Variants in IL6ST observed in about 807,000 individuals in gnomAD.
The protein encoded by IL6ST is interleukin-6 receptor subunit beta.
IL6ST carries 24 observed loss-of-function variants against 91.3 expected under a neutral mutation model. That is an observed-to-expected ratio of 0.26 (90% confidence interval 0.19 to 0.37). The LOEUF is 0.37. Ranked by LOEUF, IL6ST falls within the 10% of genes least tolerant of loss-of-function variation. IL6ST has a pLI of 1.00. For synonymous variants in IL6ST, 351 were observed against 373.6 expected (o/e 0.94, Z 0.70); for missense variants, 914 against 1,078.5 (o/e 0.85, Z 2.14).
At chr5:55,947,893 A>G (rs1751373776) in intron 14 of IL6ST, among the ~76,000 whole-genome samples, 1 of 152,224 alleles carries the variant, frequency 6.6e-6, no homozygotes, top group African/African-American at 2.4e-5. Context: ...GCTTTCAAAC[A>G]TAACCATTTG....
intron 1 of IL6ST, among the ~76,000 whole-genome samples, chr5:55,992,050 A>T (rs1381003278): frequency 6.6e-6 from 1 of 152,142 alleles, no homozygotes; most frequent in Non-Finnish European, 1.5e-5. Context: ...TACATATATT[A>T]TTCCAATGTC....
chr5:55,991,557 G>C (rs532734397), intron 1 of IL6ST, among the ~76,000 whole-genome samples: 33 of 146,306 alleles, frequency 2.3e-4, no homozygotes, highest in Non-Finnish European at 4.8e-4. Flanking sequence ...TCCCCACCAA[G>C]CATTCTGAAC....
intron 13 of IL6ST, 46 bp downstream of exon 13, chr5:55,951,883 T>A: frequency 8.2e-7 from 1 of 1,213,850 alleles, no homozygotes; most frequent in Non-Finnish European, 1.2e-6. Context: ...CTTAAAAGCT[T>A]AAGGAAAAAA....
chr5:55,969,043 A>C (rs1752800347), intron 4 of IL6ST, among the ~76,000 whole-genome samples: 1 of 152,116 alleles, frequency 6.6e-6, no homozygotes, highest in African/African-American at 2.4e-5. Context: ...AAAATATGAA[A>C]AATTAGCCGG....
chr5:55,975,944 TAA>T (rs1156751500), intron 3 of IL6ST, among the ~76,000 whole-genome samples: 1 of 151,496 alleles, frequency 6.6e-6, no homozygotes, highest in Non-Finnish European at 1.5e-5. Context: ...TTCCCCATTT[TAA>T]AGTTATTGTT....
rs1288343897 is a variant in IL6ST at position 55,941,448 on chromosome 5, T to C, written c.2391A>G (p.Gln797=). 3 of 1,613,996 alleles carry C rather than the reference T, an allele frequency of 1.9e-6. No homozygotes were observed. Among genetic ancestry groups the C allele is most frequent in the Admixed American group, 3.3e-5 (2 of 60,000 alleles). ...CACCGCCATCTACATGATCTACTAA[T>C]TGTAGATCTTCTGGCCGCTCCTCTG... ...LDSEERPEDL[Q]LVDHVDGGDG... The change falls in exon 17 of 17, where the codon CAA becomes CAG. Residue 797 remains glutamine, a synonymous_variant. Transcript: ENST00000381298.
intron 2 of IL6ST, among the ~76,000 whole-genome samples, chr5:55,978,664 G>A (rs1753463204): frequency 6.6e-6 from 1 of 152,226 alleles, no homozygotes; most frequent in African/African-American, 2.4e-5. Context: ...GGCGGAGGCT[G>A]CAGTGAGCCG....
intron 14 of IL6ST, among the ~76,000 whole-genome samples, chr5:55,948,299 G>A: frequency 6.6e-6 from 1 of 152,064 alleles, no homozygotes; most frequent in Non-Finnish European, 1.5e-5. Flanking sequence ...AATTAACATT[G>A]GAGATTTTTT....
intron 3 of IL6ST, among the ~76,000 whole-genome samples, 179 bp from the exon 4 acceptor site, chr5:55,970,034 T>C (rs1246407076): frequency 6.6e-6 from 1 of 152,200 alleles, no homozygotes; most frequent in African/African-American, 2.4e-5. Context: ...CCTGAATTTG[T>C]AAAGAAATAT....
chr5:55,988,447 A>G (rs575608867), intron 1 of IL6ST, among the ~76,000 whole-genome samples: 1 of 152,196 alleles, frequency 6.6e-6, no homozygotes, highest in Admixed American at 6.5e-5. Flanking sequence ...AGAGTTTAAC[A>G]TAACAGTCAA....
At chr5:55,968,184 G>A (rs1318676112) in intron 5 of IL6ST, 92 bp downstream of exon 5, 1 of 1,074,986 alleles carries the variant, frequency 9.3e-7, no homozygotes, top group Admixed American at 2.5e-5. Flanking sequence ...TTTTAAAATA[G>A]CATTTAATAT....
rs754547662 is a variant in IL6ST at position 55,960,429 on chromosome 5, C to A, written c.946G>T (p.Glu316Ter). 6.2e-7 allele frequency: 1 copy of A among 1,613,834 alleles called. No individual in the cohort carries two copies. The highest frequency in any genetic ancestry group is 2.2e-5 in the East Asian group (1 of 44,860). ...GKGYWSDWSEEASGITYEDRP... is the reference protein window; with the variant it reads ...GKGYWSDWSE Reference sequence around the variant, plus strand: ...TCTTCATAGGTGATCCCACTTGCTTCTTCACTCCAGTCACTCCAGTATCCC... The same window carrying A: ...TCTTCATAGGTGATCCCACTTGCTTATTCACTCCAGTCACTCCAGTATCCC... Residue 316 changes from glutamate to a stop codon, truncating the protein, a stop_gained, in exon 8 of 17, where the codon GAA becomes TAA. Transcript: ENST00000381298. LOFTEE classifies it high-confidence loss of function.
Position 55,941,632 on chromosome 5 carries a change from G to C in IL6ST, c.2207C>G (p.Ser736Cys), listed in dbSNP as rs1350316870. Residue 736 changes from serine (S) to cysteine (C), a missense_variant, in exon 17 of 17, where the codon TCT (serine) becomes TGT (cysteine). Physicochemically the swap from Ser to Cys is moderately radical, Grantham distance 112 (BLOSUM62 -1). Transcript: ENST00000381298. The part of the protein sequence containing the change: ...SGIGGSSCMS[S>C]SRPSISSSDE... Reference sequence around the variant, plus strand: ...ACTGCTAGAAATGCTTGGCCTAGAAGATGACATGCATGAAGACCCCCCAAT... The same window carrying C: ...ACTGCTAGAAATGCTTGGCCTAGAACATGACATGCATGAAGACCCCCCAAT... 1 of 1,614,132 alleles carries C rather than the reference G, an allele frequency of 6.2e-7. No homozygotes were observed. The highest frequency in any genetic ancestry group is 1.1e-5 in the South Asian group (1 of 91,080).
rs1750562652 is a variant in IL6ST at position 55,936,844 on chromosome 5, G to A, written c.*4238C>T. 1 of 194,968 alleles carries A rather than the reference G, an allele frequency of 5.1e-6. No individual in the cohort carries two copies. The highest frequency in any genetic ancestry group is 2.3e-5 in the African/African-American group (1 of 43,166). The allele number at this position is 194,968 out of a possible 1,614,324, so 12.1% of individuals were successfully genotyped here. A position where few individuals can be genotyped will look rare whatever the true frequency, so the allele number is the denominator to read the frequency against. On this transcript the variant is annotated 3_prime_UTR_variant, in exon 17 of 17. Transcript: ENST00000381298. ...CTTCCAAATGAAGTTAGAGTAGATG[G>A]GGTAAAACAGCAAGTGAACATGAAA...
rs1200079910 is a variant in IL6ST, at chr5:55,964,221, C to T, written c.583G>A (p.Glu195Lys). The T allele has an allele frequency of 3.1e-6, 5 of 1,610,850 alleles. No individual in the cohort carries two copies. Among genetic ancestry groups the T allele is most frequent in the Non-Finnish European group, 3.4e-6 (4 of 1,177,784 alleles). Reference protein sequence around the residue: ...DYSTVYFVNIEVWVEAENALG... With the variant: ...DYSTVYFVNIKVWVEAENALG... ...GCATTCTCTGCTTCTACCCAGACTT[C>T]AATGTTGACAAAATACACAGTAGAA... Residue 195 changes from glutamate (E) to lysine (K), a missense_variant, in exon 6 of 17, where the codon GAA (glutamate) becomes AAA (lysine). Physicochemically the swap from Glu to Lys is moderately conservative, Grantham distance 56 (BLOSUM62 1). Coordinates refer to ENST00000381298, the MANE Select transcript of IL6ST (RefSeq NM_002184.4).
chr5:55,955,856 AAAAG>A (rs1324789586), intron 10 of IL6ST, 165 bp downstream of exon 10: 2 of 414,186 alleles, frequency 4.8e-6, no homozygotes, highest in Non-Finnish European at 8.4e-6. Context: ...GTCTCTGAAA[AAAAG>A]AAAATCATTA....
chr5:55,944,653 G>C, intron 15 of IL6ST: 1 of 988,994 alleles, frequency 1.0e-6, no homozygotes, highest in Non-Finnish European at 1.5e-6. Context: ...AAACCTCGGC[G>C]CCATGAGAGC....
At chr5:55,968,619 A>G (rs1440116124) in intron 4 of IL6ST, among the ~76,000 whole-genome samples, 1 of 152,232 alleles carries the variant, frequency 6.6e-6, no homozygotes, top group Non-Finnish European at 1.5e-5. Flanking sequence ...ACTGTCATCA[A>G]CTGGTTTGTT....
chr5:55,994,015 C>T (rs1306924397), intron 1 of IL6ST: 1 of 93,996 alleles, frequency 1.1e-5, no homozygotes, highest in Non-Finnish European at 2.0e-5. Context: ...AAATACTTCA[C>T]AAACTAAGCC....
Sources: allele counts gnomAD v4.1 joint callset (sites outside exome capture counted in the v4.1 genomes callset), GRCh38; gene constraint gnomAD v4.1.1; transcripts MANE v1.5; gene names NCBI Gene and HGNC (gene_info 2026-07-23, HGNC 2026-07-21).